CDH1: variants seen among roughly 807,000 people sequenced by gnomAD.
CDH1 encodes cadherin-1.
Under a neutral mutation model 84.5 loss-of-function variants are expected in CDH1, and 35 were observed. That is an observed-to-expected ratio of 0.41 (90% CI 0.32 to 0.55). The LOEUF (loss-of-function observed/expected upper bound fraction) is 0.55, where lower values mean the gene tolerates loss of function less well. Ranked by LOEUF, CDH1 falls within the 20% of genes least tolerant of loss-of-function variation. CDH1 has a pLI of 0.19. For missense variants in CDH1, 994 were observed against 1,126.6 expected (o/e 0.88, Z 1.68); for synonymous variants, 417 against 439.0 (o/e 0.95, Z 0.63).
At chr16:68,827,139 C>G (rs1413321060) in intron 13 of CDH1, among the ~76,000 whole-genome samples, 1 of 152,010 alleles carries the variant, frequency 6.6e-6, no homozygotes, top group Admixed American at 6.6e-5. Context: ...GGCATGGTGG[C>G]AGGTGCTTGT....
intron 3 of CDH1, among the ~76,000 whole-genome samples, chr16:68,804,436 T>G (rs1960597992): frequency 6.6e-6 from 1 of 152,122 alleles, no homozygotes; most frequent in Non-Finnish European, 1.5e-5. Context: ...AAGAAACCTT[T>G]GTGGAATTCT....
At position 68,822,041 on chromosome 16, in the gene CDH1, C is replaced by T. The variant is rs752598904; in HGVS notation, c.1752C>T (p.Ile584=). 6.2e-7 allele frequency: 1 copy of T among 1,614,152 alleles called. No individual in the cohort carries two copies. The highest frequency in any genetic ancestry group is 8.5e-7 in the Non-Finnish European group (1 of 1,180,000). Residue 584 remains isoleucine (I), a synonymous_variant, in exon 12 of 16, where the codon ATC becomes ATT. Transcript: ENST00000261769. Reference sequence around the variant, plus strand: ...CTGGAACAGGGACACTTCTGCTGATCCTGTCTGATGTGAATGACAACGCCC... The same window carrying T: ...CTGGAACAGGGACACTTCTGCTGATTCTGTCTGATGTGAATGACAACGCCC... ...VATGTGTLLL[I]LSDVNDNAPI... is the part of the protein sequence containing the mutation.
intron 3 of CDH1, among the ~76,000 whole-genome samples, chr16:68,802,917 C>T (rs1960554185): frequency 6.6e-6 from 1 of 152,134 alleles, no homozygotes; most frequent in African/African-American, 2.4e-5. Flanking sequence ...CAGTGCCTGG[C>T]CTTAGGTCTG....
chr16:68,789,590 G>T (rs1348231860), intron 2 of CDH1, among the ~76,000 whole-genome samples: 1 of 151,256 alleles, frequency 6.6e-6, no homozygotes, highest in Non-Finnish European at 1.5e-5. Context: ...TTAAAGTGTA[G>T]AATTTAACAG....
At chr16:68,739,503 G>T (rs1211863513) in intron 2 of CDH1, among the ~76,000 whole-genome samples, 2 of 151,988 alleles carry the variant, frequency 1.3e-5, no homozygotes, top group Non-Finnish European at 2.9e-5. Flanking sequence ...GGGCTCAAAG[G>T]ATCCTTCTGT....
chr16:68,783,279 C>T (rs1391492749), intron 2 of CDH1, among the ~76,000 whole-genome samples: 5 of 151,606 alleles, frequency 3.3e-5, no homozygotes, highest in Non-Finnish European at 7.4e-5. Context: ...TGCCTGTAAT[C>T]CCAGCTACTC....
intron 3 of CDH1, among the ~76,000 whole-genome samples, chr16:68,802,651 A>T (rs111641908): frequency 7.2e-5 from 11 of 152,018 alleles, no homozygotes; most frequent in Non-Finnish European, 1.6e-4. Flanking sequence ...TTGTATTTTT[A>T]GTAGAGGCAG....
chr16:68,810,152 T>G, intron 5 of CDH1, 45 bp from the exon 6 acceptor site: 1 of 1,612,346 alleles, frequency 6.2e-7, no homozygotes. Context: ...CTCCCATGTT[T>G]TCTTCCTCAT....
At chr16:68,790,695 G>A (rs1960184577) in intron 2 of CDH1, among the ~76,000 whole-genome samples, 1 of 152,174 alleles carries the variant, frequency 6.6e-6, no homozygotes, top group Non-Finnish European at 1.5e-5. Context: ...GAGATGAGTT[G>A]TTTTTCTCCC....
intron 2 of CDH1, among the ~76,000 whole-genome samples, chr16:68,774,252 C>A (rs534288320): frequency 6.6e-6 from 1 of 152,152 alleles, no homozygotes; most frequent in African/African-American, 2.4e-5. Flanking sequence ...TGGCTGGGTG[C>A]GGTCGCTCAT....
intron 2 of CDH1, among the ~76,000 whole-genome samples, chr16:68,771,317 C>T (rs1959565993): frequency 3.3e-5 from 5 of 152,098 alleles, no homozygotes; most frequent in African/African-American, 1.2e-4. Context: ...AAGACAGGGT[C>T]TCACTTTGTC....
intron 2 of CDH1, among the ~76,000 whole-genome samples, chr16:68,790,492 TA>T (rs2152123594): frequency 3.9e-5 from 6 of 152,284 alleles, no homozygotes; most frequent in African/African-American, 1.4e-4. Context: ...GCTGTGTTGT[TA>T]CGCATGCAGC....
intron 15 of CDH1, among the ~76,000 whole-genome samples, chr16:68,831,087 T>C (rs1305559053): frequency 6.6e-5 from 9 of 136,942 alleles, no homozygotes; most frequent in Non-Finnish European, 1.1e-4. Context: ...TTTTTTTTTT[T>C]TTTTTTTTTG....
At chr16:68,814,554 AAAAG>A (rs1893191813) in intron 9 of CDH1, 1 of 152,248 alleles carries the variant, frequency 6.6e-6, no homozygotes, top group African/African-American at 2.4e-5. Flanking sequence ...TCTGAAAAAA[AAAAG>A]AAATCAAGAA....
At position 68,778,031 on chromosome 16, in the gene CDH1, C is replaced by A. The variant is rs140477357; in HGVS notation, c.164-23639C>A. 2.9e-3 allele frequency among the ~76,000 whole-genome samples: 434 copies of A among 150,650 alleles called. 1 individual carries two copies. Among genetic ancestry groups the A allele is most frequent in the African/African-American group, 0.01 (412 of 40,990 alleles). On this transcript the variant is annotated intron_variant, in intron 2 of 15. Coordinates refer to ENST00000261769, the MANE Select transcript of CDH1 (RefSeq NM_004360.5). ...ACAGGCATGAGCCACCATGCCTGGC[C>A]AGAAATTGGACACTTTATTTATTTA... is the stretch of plus-strand genomic sequence containing the variant.
At chr16:68,793,415 C>G (rs185279622) in intron 2 of CDH1, among the ~76,000 whole-genome samples, 2 of 152,220 alleles carry the variant, frequency 1.3e-5, no homozygotes, top group Admixed American at 1.3e-4. Context: ...TCCAACTGTC[C>G]TATTCTTTTG....
Position 68,830,328 on chromosome 16 carries a change from A to G in CDH1, c.2439+531A>G, listed in dbSNP as rs150970280. Among the ~76,000 whole-genome samples the G allele has an allele frequency of 3.3e-5, 5 of 152,182 alleles. No individual in the cohort carries two copies. In the East Asian group the frequency reaches 9.6e-4, roughly 29 times the overall value. Reference sequence around the variant, plus strand: ...TTCAAATTGCAAAGTCCATGTGGCAAAACCAACAATTGCCTGAAAGGATTT... The same window carrying G: ...TTCAAATTGCAAAGTCCATGTGGCAGAACCAACAATTGCCTGAAAGGATTT... On this transcript the variant is annotated intron_variant, in intron 15 of 15. Coordinates refer to ENST00000261769, the MANE Select transcript of CDH1 (RefSeq NM_004360.5).
intron 3 of CDH1, among the ~76,000 whole-genome samples, chr16:68,805,744 A>C (rs531237631): frequency 6.6e-6 from 1 of 151,756 alleles, no homozygotes; most frequent in South Asian, 2.1e-4. Flanking sequence ...ACAGGTGTGC[A>C]CCACCACACC....
At chr16:68,762,219 C>T (rs928915916) in intron 2 of CDH1, among the ~76,000 whole-genome samples, 1 of 152,204 alleles carries the variant, frequency 6.6e-6, no homozygotes, top group Non-Finnish European at 1.5e-5. Context: ...TCATTTCTCT[C>T]TCAGGGCCAT....
Sources: gnomAD v4.1 joint callset for allele counts (sites outside exome capture counted in the v4.1 genomes callset) on GRCh38, gnomAD v4.1.1 for gene constraint, MANE v1.5 for transcripts, NCBI Gene and HGNC (gene_info 2026-07-23, HGNC 2026-07-21) for gene names.